FIG4: variants seen among roughly 807,000 people sequenced by gnomAD.
FIG4 encodes FIG4 phosphoinositide 5-phosphatase.
Under a neutral mutation model 118.6 loss-of-function variants are expected in FIG4, and 112 were observed. The ratio of observed to expected loss-of-function variants is 0.94; its 90% confidence interval spans 0.81 to 1.11. The LOEUF is 1.11. Ranked by LOEUF, FIG4 falls within the 50% of genes least tolerant of loss-of-function variation. The pLI is 0.00. For missense variants in FIG4, 969 were observed against 1,111.7 expected, an observed-to-expected ratio of 0.87 and a Z score of 1.83; for synonymous variants, 369 against 381.2, an observed-to-expected ratio of 0.97 and a Z score of 0.37.
chr6:109,764,248 C>T (rs973130349), intron 13 of FIG4, among the ~76,000 whole-genome samples: 3 of 151,986 alleles, frequency 2.0e-5, no homozygotes, highest in African/African-American at 7.2e-5. Context: ...ACCATCCTGG[C>T]TAACATGGTG....
At chr6:109,787,708 T>A (rs1377462982) in intron 18 of FIG4, among the ~76,000 whole-genome samples, 1 of 152,196 alleles carries the variant, frequency 6.6e-6, no homozygotes, top group Non-Finnish European at 1.5e-5. Flanking sequence ...TTACTGTAGT[T>A]AATTGTGTTT....
At chr6:109,714,479 T>C (rs1308647613) in intron 1 of FIG4, among the ~76,000 whole-genome samples, 1 of 152,192 alleles carries the variant, frequency 6.6e-6, no homozygotes, top group Non-Finnish European at 1.5e-5. Flanking sequence ...AATGTGATTG[T>C]GTTTAGTCAG....
At chr6:109,743,514 A>T in intron 9 of FIG4, 161 bp from the exon 10 acceptor site, 1 of 689,344 alleles carries the variant, frequency 1.5e-6, no homozygotes, top group South Asian at 1.6e-5. Context: ...TAATAAATAC[A>T]TGATGAATAA....
chr6:109,693,131 C>G (rs960298754), intron 1 of FIG4, among the ~76,000 whole-genome samples: 2 of 78,036 alleles, frequency 2.6e-5, no homozygotes, highest in Admixed American at 1.3e-4. Context: ...CAAGTAAACT[C>G]TGAATCCCTT....
At chr6:109,708,641 A>T (rs1227276917) in intron 1 of FIG4, among the ~76,000 whole-genome samples, 3 of 151,892 alleles carry the variant, frequency 2.0e-5, no homozygotes, top group Non-Finnish European at 4.4e-5. Context: ...TTGTTTTTTG[A>T]CTTTTTAGTA....
intron 10 of FIG4, among the ~76,000 whole-genome samples, chr6:109,747,682 A>G (rs1371364021): frequency 6.6e-6 from 1 of 152,172 alleles, no homozygotes; most frequent in Non-Finnish European, 1.5e-5. Context: ...GGGAGGATAC[A>G]TGTGAAAGGG....
rs181068641 is a variant in FIG4, at chr6:109,820,834, C to A, written c.2547-4254C>A. Among the ~76,000 whole-genome samples the A allele has an allele frequency of 5.2e-3, 791 of 152,156 alleles. 2 individuals carry two copies. The highest frequency in any genetic ancestry group is 8.0e-3 in the Admixed American group (122 of 15,290). ...GCGATACAGTATCCTCACTCACCCCCAAATCTAAAGAGGATGTGGAAGTAA... is the reference window on the plus strand; with the variant it reads ...GCGATACAGTATCCTCACTCACCCCAAAATCTAAAGAGGATGTGGAAGTAA... On this transcript the variant is annotated intron_variant, in intron 22 of 22. Coordinates refer to ENST00000230124, the MANE Select transcript of FIG4 (RefSeq NM_014845.6).
intron 16 of FIG4, among the ~76,000 whole-genome samples, chr6:109,782,042 T>C (rs780884494): frequency 1.1e-4 from 16 of 152,142 alleles, no homozygotes; most frequent in Non-Finnish European, 2.2e-4. Flanking sequence ...CCAAGTTAGC[T>C]AGGAAAATTA....
At chr6:109,782,476 G>A (rs1475211411) in intron 16 of FIG4, among the ~76,000 whole-genome samples, 8 of 152,092 alleles carry the variant, frequency 5.3e-5, no homozygotes, top group Admixed American at 5.2e-4. Context: ...TTTATGGCCT[G>A]GTCTTAAATC....
intron 16 of FIG4, among the ~76,000 whole-genome samples, chr6:109,779,319 A>C (rs1777724521): frequency 6.6e-6 from 1 of 152,176 alleles, no homozygotes; most frequent in Non-Finnish European, 1.5e-5. Context: ...TAAAAGCATA[A>C]TTTAAACCCC....
At chr6:109,801,627 AGTG>A (rs1778430479) in intron 22 of FIG4, among the ~76,000 whole-genome samples, 1 of 152,178 alleles carries the variant, frequency 6.6e-6, no homozygotes. Flanking sequence ...TCTCGTAAAA[AGTG>A]GTATTCATTC....
chr6:109,694,485 C>T (rs1774648503), intron 1 of FIG4, among the ~76,000 whole-genome samples: 1 of 152,080 alleles, frequency 6.6e-6, no homozygotes, highest in Admixed American at 6.5e-5. Context: ...GTAAAACTAC[C>T]AGAAGAAAAC....
In FIG4 at chr6:109,743,731, C is replaced by T. The variant is rs2128387076; in HGVS notation, c.1096C>T (p.Gln366Ter). Residue 366 changes from glutamine (Q) to a stop codon, truncating the protein, a stop_gained, in exon 10 of 23, where the codon CAG becomes TAG. Coordinates refer to ENST00000230124, the MANE Select transcript of FIG4 (RefSeq NM_014845.6). LOFTEE classifies it high-confidence loss of function. Reference sequence around the variant, plus strand: ...TGCCCTTCACTTTGACCAGATGTTCCAGAGGTTTGGCTCTCCCATCATCAT... The same window carrying T: ...TGCCCTTCACTTTGACCAGATGTTCTAGAGGTTTGGCTCTCCCATCATCAT... ...VAALHFDQMF[Q>*]RFGSPIIILN... 6.2e-7 allele frequency: 1 copy of T among 1,612,938 alleles called. No homozygotes were observed. Among genetic ancestry groups the T allele is most frequent in the Admixed American group, 1.7e-5 (1 of 59,916 alleles).
chr6:109,711,781 G>C (rs1775272215), intron 1 of FIG4, among the ~76,000 whole-genome samples: 1 of 152,144 alleles, frequency 6.6e-6, no homozygotes, highest in Non-Finnish European at 1.5e-5. Context: ...GGTTAGAATT[G>C]ATACGTGTGA....
intron 22 of FIG4, among the ~76,000 whole-genome samples, chr6:109,798,641 T>C (rs543937589): frequency 1.3e-5 from 2 of 152,258 alleles, no homozygotes; most frequent in South Asian, 4.1e-4. Flanking sequence ...CTGCAGCTGA[T>C]CTTGGCAGGG....
intron 15 of FIG4, among the ~76,000 whole-genome samples, chr6:109,772,681 G>A (rs77678973): frequency 0.094 from 14,343 of 152,068 alleles, 959 homozygotes; most frequent in East Asian, 0.24. Flanking sequence ...TTGAACTCCC[G>A]ACCTCAGGTG....
At chr6:109,712,972 AGGTATTGTTTCT>A (rs1328281026) in intron 1 of FIG4, among the ~76,000 whole-genome samples, 2 of 152,104 alleles carry the variant, frequency 1.3e-5, no homozygotes, top group African/African-American at 4.8e-5. Flanking sequence ...TTCAGTCGAC[AGGTATTGTTTCT>A]GGAAGATTAT....
At chr6:109,726,633 A>G (rs992246957) in intron 3 of FIG4, among the ~76,000 whole-genome samples, 1 of 152,140 alleles carries the variant, frequency 6.6e-6, no homozygotes, top group Non-Finnish European at 1.5e-5. Context: ...AGTTTTTTCT[A>G]ATTCTGCAAA....
chr6:109,699,825 A>C (rs986888047), intron 1 of FIG4, among the ~76,000 whole-genome samples: 7 of 152,046 alleles, frequency 4.6e-5, no homozygotes, highest in Admixed American at 1.3e-4. Context: ...TTTTGGATTA[A>C]TCAGTGTCTT....
Sources: allele counts gnomAD v4.1 joint callset (sites outside exome capture counted in the v4.1 genomes callset), GRCh38; gene constraint gnomAD v4.1.1; transcripts MANE v1.5; gene names NCBI Gene and HGNC (gene_info 2026-07-23, HGNC 2026-07-21).